The following KYNU variants were observed in gnomAD, a reference collection of about 807,000 sequenced individuals.
KYNU encodes L-kynurenine hydrolase.
In KYNU, 54 loss-of-function variants were observed where a neutral mutation model predicts 59.2. That is an observed-to-expected ratio of 0.91 (90% CI 0.73 to 1.14). The LOEUF is 1.14. Among genes scored for constraint, KYNU ranks in the 50% most tolerant of loss-of-function variants. The probability of loss-of-function intolerance (pLI) is 0.00; values close to 1 mark genes in which losing one functional copy is unlikely to be tolerated. For missense variants in KYNU, 567 were observed against 554.4 expected (o/e 1.02, Z -0.23); for synonymous variants, 177 against 192.0 (o/e 0.92, Z 0.65).
chr2:143,033,208 T>C, intron 11 of KYNU, 28 bp from the exon 12 acceptor site: 5 of 1,483,008 alleles, frequency 3.4e-6, no homozygotes, highest in Non-Finnish European at 4.7e-6. Flanking sequence ...TTACCTTCTA[T>C]GATAATGACA....
intron 10 of KYNU, among the ~76,000 whole-genome samples, chr2:142,987,189 T>C (rs1685230939): frequency 6.6e-6 from 1 of 151,858 alleles, no homozygotes; most frequent in Admixed American, 6.6e-5. Flanking sequence ...ATGTAAGATA[T>C]TGCTTGCTTT....
At chr2:143,033,698 T>C (rs1686821006) in intron 12 of KYNU, among the ~76,000 whole-genome samples, 1 of 152,242 alleles carries the variant, frequency 6.6e-6, no homozygotes, top group Non-Finnish European at 1.5e-5. Context: ...AATTCGCTCA[T>C]TCAACATAAA....
intron 13 of KYNU, among the ~76,000 whole-genome samples, chr2:143,041,628 A>G (rs1449816995): frequency 6.6e-6 from 1 of 151,940 alleles, no homozygotes; most frequent in Admixed American, 6.6e-5. Flanking sequence ...TATTTGTGAG[A>G]TCAAAGATTA....
At chr2:143,014,397 A>T (rs1686194962) in intron 10 of KYNU, among the ~76,000 whole-genome samples, 1 of 152,204 alleles carries the variant, frequency 6.6e-6, no homozygotes. Context: ...AATTTGGTTT[A>T]ATTAATGGGT....
intron 4 of KYNU, among the ~76,000 whole-genome samples, chr2:142,929,485 T>C (rs1308089631): frequency 6.6e-6 from 1 of 152,112 alleles, no homozygotes; most frequent in African/African-American, 2.4e-5. Flanking sequence ...TGTAAAATAT[T>C]TGAAGAGTAA....
intron 2 of KYNU, among the ~76,000 whole-genome samples, chr2:142,915,261 A>AT (rs1216506121): frequency 2.0e-5 from 3 of 152,148 alleles, no homozygotes; most frequent in African/African-American, 7.2e-5. Flanking sequence ...TGGGAAGGAG[A>AT]TTTTCATGAA....
At chr2:143,006,927 C>A (rs1685925516) in intron 10 of KYNU, among the ~76,000 whole-genome samples, 1 of 151,886 alleles carries the variant, frequency 6.6e-6, no homozygotes, top group Non-Finnish European at 1.5e-5. Context: ...CATCAAAGAC[C>A]AAAAGTAGAT....
intron 10 of KYNU, among the ~76,000 whole-genome samples, chr2:143,023,348 T>C (rs1686460477): frequency 6.6e-6 from 1 of 151,936 alleles, no homozygotes; most frequent in Non-Finnish European, 1.5e-5. Flanking sequence ...CAGCAATATA[T>C]ACTTTTTGGA....
chr2:142,960,466 C>G (rs1416597049), intron 7 of KYNU, among the ~76,000 whole-genome samples, 158 bp from the exon 8 acceptor site: 1 of 151,824 alleles, frequency 6.6e-6, no homozygotes, highest in African/African-American at 2.4e-5. Flanking sequence ...AAATTATGCT[C>G]AAATGCTGCT....
intron 8 of KYNU, among the ~76,000 whole-genome samples, chr2:142,965,862 T>C (rs371714140): frequency 1.7e-4 from 26 of 152,272 alleles, no homozygotes; most frequent in Non-Finnish European, 2.2e-4. Flanking sequence ...TAGGATCTCA[T>C]TGTTCCTAAC....
At chr2:143,020,130 T>C (rs1686365008) in intron 10 of KYNU, among the ~76,000 whole-genome samples, 2 of 152,106 alleles carry the variant, frequency 1.3e-5, no homozygotes, top group South Asian at 4.1e-4. Flanking sequence ...TTATTTCTAT[T>C]CTGATCTTTA....
At chr2:142,905,113 G>A (rs1426775819) in intron 2 of KYNU, among the ~76,000 whole-genome samples, 2 of 152,184 alleles carry the variant, frequency 1.3e-5, no homozygotes, top group African/African-American at 4.8e-5. Flanking sequence ...GCCCACTAGG[G>A]TCTTTGTCCT....
rs1034482391 is a variant in KYNU, at chr2:143,045,256, C to G, written c.*3084C>G. The G allele has an allele frequency of 6.6e-6, 1 of 152,094 alleles. No individual in the cohort carries two copies. The highest frequency in any genetic ancestry group is 1.5e-5 in the Non-Finnish European group (1 of 68,020). 9.4% of individuals were successfully genotyped at this position (152,094 alleles called of 1,614,324 possible). The stretch of plus-strand genomic sequence containing the variant: ...ATAGCCTTGTAGTATAGTTTGAAGT[C>G]AGGTAGTGTGATGCCTCCAGCTTTG... On this transcript the variant is annotated 3_prime_UTR_variant, in exon 14 of 14. Transcript: ENST00000264170.
chr2:142,967,298 A>G (rs535482354), intron 8 of KYNU: 8 of 152,150 alleles, frequency 5.3e-5, no homozygotes, highest in African/African-American at 1.9e-4. Flanking sequence ...ATGCTGGCAT[A>G]TTTGTTTTTT....
intron 8 of KYNU, among the ~76,000 whole-genome samples, chr2:142,981,932 C>T (rs574058685): frequency 1.4e-4 from 22 of 152,106 alleles, no homozygotes; most frequent in African/African-American, 4.3e-4. Context: ...GCTGCTGTAG[C>T]GTAAAAGCAG....
chr2:143,007,553 AG>A (rs1281042940), intron 10 of KYNU, among the ~76,000 whole-genome samples: 16 of 118,800 alleles, frequency 1.3e-4, no homozygotes, highest in Admixed American at 5.8e-4. Flanking sequence ...GGAAATACAG[AG>A]AACGCCACAA....
At chr2:142,898,432 A>C (rs1443158286) in intron 2 of KYNU, among the ~76,000 whole-genome samples, 1 of 151,198 alleles carries the variant, frequency 6.6e-6, no homozygotes, top group Non-Finnish European at 1.5e-5. Context: ...ATTCTCCTGA[A>C]ATATGAAGGG....
chr2:142,984,962 C>T, intron 8 of KYNU, 122 bp from the exon 9 acceptor site: 6 of 717,524 alleles, frequency 8.4e-6, no homozygotes, highest in Admixed American at 8.0e-5. Flanking sequence ...TGAACCATTG[C>T]ATCAAAGAGC....
At chr2:143,020,690 G>A in intron 10 of KYNU, among the ~76,000 whole-genome samples, 1 of 152,118 alleles carries the variant, frequency 6.6e-6, no homozygotes, top group East Asian at 1.9e-4. Context: ...TTGATTTTCT[G>A]TGTAGACAAT....
Sources: allele counts gnomAD v4.1 joint callset (sites outside exome capture counted in the v4.1 genomes callset), GRCh38; gene constraint gnomAD v4.1.1; transcripts MANE v1.5; gene names NCBI Gene and HGNC (gene_info 2026-07-23, HGNC 2026-07-21).